The following AKIP1 variants were observed in gnomAD, a reference collection of about 807,000 sequenced individuals.
The protein encoded by AKIP1 is A-kinase interacting protein 1, also known as A-kinase-interacting protein 1.
AKIP1 carries 18 observed loss-of-function variants against 22.3 expected under a neutral mutation model. The observed-to-expected ratio is 0.81, with a 90% CI of 0.56 to 1.19. The LOEUF (loss-of-function observed/expected upper bound fraction) is 1.19. AKIP1 is among the 50% of genes most tolerant of loss of function. The pLI is 0.00. For missense variants in AKIP1, 287 were observed against 264.6 expected (o/e 1.08, Z -0.59); for synonymous variants, 120 against 102.7 (o/e 1.17, Z -1.02).
chr11:8,913,072 G>T (rs2064423712), intron 3 of AKIP1, among the ~76,000 whole-genome samples: 2 of 149,450 alleles, frequency 1.3e-5, no homozygotes, highest in Non-Finnish European at 1.5e-5. Context: ...GTAGAGACGG[G>T]GTTTCACTGT....
In AKIP1 at chr11:8,911,429, T is replaced by A; in HGVS notation, c.-6-15T>A. On this transcript the variant is annotated splice_polypyrimidine_tract_variant and intron_variant, in intron 1 of 5. Transcript: ENST00000309377. The stretch of plus-strand genomic sequence containing the variant: ...AGCTGACCCGCCGGCGTTTGTACGT[T>A]GTGTGCCCACTCAGGGAGCCATGGA... 1.3e-6 allele frequency: 2 copies of A among 1,565,998 alleles called. No homozygotes were observed. The highest frequency in any genetic ancestry group is 1.7e-6 in the Non-Finnish European group (2 of 1,155,392).
At position 8,911,601 on chromosome 11, in the gene AKIP1, T is replaced by A. The variant is rs1366226976; in HGVS notation, c.152T>A (p.Val51Asp). 1.2e-6 allele frequency: 2 copies of A among 1,602,346 alleles called. No homozygotes were observed. Among genetic ancestry groups the A allele is most frequent in the Admixed American group, 1.7e-5 (1 of 57,786 alleles). Residue 51 changes from valine to aspartate, a missense_variant, in exon 2 of 6, where the codon GTC (valine) becomes GAC (aspartate). Coordinates refer to ENST00000309377, the MANE Select transcript of AKIP1 (RefSeq NM_020642.4). Reference sequence around the variant, plus strand: ...GAGCGTCCCAAAGGCTGCATGGGGGTCCTTGCCCGGGAGGCGCCCCACCTA... The same window carrying A: ...GAGCGTCCCAAAGGCTGCATGGGGGACCTTGCCCGGGAGGCGCCCCACCTA... ...ALERPKGCMG[V>D]LAREAPHLEK...
In AKIP1 at chr11:8,918,296, G is replaced by A. The variant is rs1589927370; in HGVS notation, c.489+929G>A. Among the ~76,000 whole-genome samples, 4 of 152,324 alleles carry A rather than the reference G, an allele frequency of 2.6e-5. No individual in the cohort carries two copies. In the South Asian group the frequency reaches 8.3e-4, roughly 32 times the overall value. ...GACATTGTCATACACATTTACGTCA[G>A]TTAAAGGATGGTAGACTTCCAATTT... On this transcript the variant is annotated intron_variant, in intron 5 of 5. Transcript: ENST00000309377.
In AKIP1 at chr11:8,917,372, G is replaced by C. The variant is rs1472728439; in HGVS notation, c.489+5G>C. On this transcript the variant is annotated splice_donor_5th_base_variant and intron_variant, in intron 5 of 5. Transcript: ENST00000309377. ...GCTCCAGAGGCATCCCAGCCTGTGAGTACGGAACTGCTTACGCACTGGGTT... is the reference window on the plus strand; with the variant it reads ...GCTCCAGAGGCATCCCAGCCTGTGACTACGGAACTGCTTACGCACTGGGTT... 2 of 1,612,248 alleles carry C rather than the reference G, an allele frequency of 1.2e-6. No homozygotes were observed. The highest frequency in any genetic ancestry group is 1.7e-5 in the Admixed American group (1 of 59,960).
intron 2 of AKIP1, 106 bp from the exon 3 acceptor site, chr11:8,912,347 C>T (rs1391207342): frequency 2.4e-6 from 2 of 835,574 alleles, no homozygotes; most frequent in Middle Eastern, 2.2e-4. Flanking sequence ...CTGACATAAA[C>T]TTGCAGAGCC....
Position 8,919,492 on chromosome 11 carries a change from A to T in AKIP1, c.*12A>T. ...TCTTCCCTGTGTGATGTTGACCATC[A>T]CTGCCATCACATCACCTTTTTTTAA... On this transcript the variant is annotated 3_prime_UTR_variant, in exon 6 of 6. Coordinates refer to ENST00000309377, the MANE Select transcript of AKIP1 (RefSeq NM_020642.4). 1 of 1,611,420 alleles carries T rather than the reference A, an allele frequency of 6.2e-7. No individual in the cohort carries two copies. Among genetic ancestry groups the T allele is most frequent in the Non-Finnish European group, 8.5e-7 (1 of 1,179,200 alleles).
At position 8,919,830 on chromosome 11, in the gene AKIP1, G is replaced by C; in HGVS notation, c.*350G>C. 1 of 198,488 alleles carries C rather than the reference G, an allele frequency of 5.0e-6. No individual in the cohort carries two copies. Among genetic ancestry groups the C allele is most frequent in the South Asian group, 9.4e-5 (1 of 10,668 alleles). 12.3% of individuals were successfully genotyped at this position (198,488 alleles called of 1,614,324 possible). On this transcript the variant is annotated 3_prime_UTR_variant, in exon 6 of 6. Transcript: ENST00000309377. ...TTTTTTGTATTTTTAGTAGAGACGG[G>C]GTTTCACCATGTTGGCCAGGATGGT...
chr11:8,911,722 C>A lies in AKIP1; in HGVS notation c.222+51C>A, dbSNP rs557191928. ...CCCCAGTCCTTCGCGCCGCGGTAGC[C>A]CGCTGGGAGCCAGGGGTGCGCAGCG... On this transcript the variant is annotated intron_variant, in intron 2 of 5. Transcript: ENST00000309377. The A allele has an allele frequency of 4.4e-5, 64 of 1,448,568 alleles. No individual in the cohort carries two copies. In the African/African-American group the frequency reaches 7.5e-4, roughly 17 times the overall value. 89.7% of individuals were successfully genotyped at this position (1,448,568 alleles called of 1,614,324 possible). A position where few individuals can be genotyped will look rare whatever the true frequency, so the allele number is the denominator to read the frequency against.
chr11:8,918,133 C>G (rs1013918861), intron 5 of AKIP1: 25 of 152,210 alleles, frequency 1.6e-4, no homozygotes, highest in African/African-American at 5.1e-4. Flanking sequence ...TGTTGGAGTT[C>G]TACAGCCACA....
At chr11:8,911,306 C>A (rs1323482588) in intron 1 of AKIP1, 83 bp downstream of exon 1, 7 of 747,732 alleles carry the variant, frequency 9.4e-6, no homozygotes, top group Non-Finnish European at 1.5e-5. Context: ...GCTGGGCTCC[C>A]GCTGGAGTGT....
intron 4 of AKIP1, among the ~76,000 whole-genome samples, chr11:8,916,511 T>G (rs1454163330): frequency 6.6e-6 from 1 of 152,188 alleles, no homozygotes; most frequent in Non-Finnish European, 1.5e-5. Context: ...TACTCAAAGA[T>G]AGCAAACTGA....
chr11:8,917,540 C>A (rs1165306471), intron 5 of AKIP1, 173 bp downstream of exon 5: 11 of 617,712 alleles, frequency 1.8e-5, no homozygotes, highest in Non-Finnish European at 3.0e-5. Flanking sequence ...ATTAGGTTTT[C>A]TTGGTATTCT....
intron 3 of AKIP1, among the ~76,000 whole-genome samples, chr11:8,914,584 C>T (rs1040617915): frequency 1.3e-5 from 2 of 152,158 alleles, no homozygotes; most frequent in Non-Finnish European, 2.9e-5. Context: ...AGTTAGCCAG[C>T]GTTCTTGCCC....
At chr11:8,917,845 T>A in intron 5 of AKIP1, 1 of 176,994 alleles carries the variant, frequency 5.6e-6, no homozygotes, top group Non-Finnish European at 1.2e-5. Flanking sequence ...ATATAATGAG[T>A]TTTTCATTTT....
chr11:8,911,689 G>C lies in AKIP1; in HGVS notation c.222+18G>C, dbSNP rs2064354047. On this transcript the variant is annotated intron_variant, in intron 2 of 5. Transcript: ENST00000309377. The stretch of plus-strand genomic sequence containing the variant: ...CGGGAGAGGTGAGGGTCGCTGTGCC[G>C]GGGGCCGCCCCAGTCCTTCGCGCCG... 2.0e-6 allele frequency: 3 copies of C among 1,492,716 alleles called. No homozygotes were observed. Among genetic ancestry groups the C allele is most frequent in the Non-Finnish European group, 8.9e-7 (1 of 1,122,412 alleles). The allele number at this position is 1,492,716 out of a possible 1,614,324, so 92.5% of individuals were successfully genotyped here. A position where few individuals can be genotyped will look rare whatever the true frequency, so the allele number is the denominator to read the frequency against.
intron 2 of AKIP1, among the ~76,000 whole-genome samples, chr11:8,911,896 T>A (rs1424966323): frequency 1.4e-5 from 2 of 144,816 alleles, no homozygotes. Flanking sequence ...GTTGGTTACT[T>A]AAAAAAAAAA....
At chr11:8,912,937 T>C (rs7944399) in intron 3 of AKIP1, among the ~76,000 whole-genome samples, 131,889 of 141,054 alleles carry the variant, frequency 0.94, 62,368 homozygotes, top group East Asian at 1. Flanking sequence ...TGCAGTGGTG[T>C]GATCTCGGCT....
Position 8,919,425 on chromosome 11 carries a change from C to G in AKIP1, c.578C>G (p.Thr193Ser). The G allele has an allele frequency of 6.2e-7, 1 of 1,614,212 alleles. No individual in the cohort carries two copies. The highest frequency in any genetic ancestry group is 1.1e-5 in the South Asian group (1 of 91,086). ...GGCTCAAATGACTTAACCAAGAAGACTCATGTGGTAGCAGTTGATTCTGGA... is the reference window on the plus strand; with the variant it reads ...GGCTCAAATGACTTAACCAAGAAGAGTCATGTGGTAGCAGTTGATTCTGGA... Reference protein sequence around the residue: ...TVGSNDLTKKTHVVAVDSGQS... With the variant: ...TVGSNDLTKKSHVVAVDSGQS... The change falls in exon 6 of 6, where the codon ACT becomes AGT. Residue 193 changes from threonine (T) to serine (S), a missense_variant. By Grantham distance (58) the Thr-to-Ser change is moderately conservative. Transcript: ENST00000309377.
intron 3 of AKIP1, among the ~76,000 whole-genome samples, chr11:8,913,745 A>C (rs1365915727): frequency 6.6e-6 from 1 of 152,208 alleles, no homozygotes; most frequent in African/African-American, 2.4e-5. Context: ...ATCTTTTATA[A>C]GAATCCCTGA....
Sources: gnomAD v4.1 joint callset for allele counts (sites outside exome capture counted in the v4.1 genomes callset) on GRCh38, gnomAD v4.1.1 for gene constraint, MANE v1.5 for transcripts, NCBI Gene and HGNC (gene_info 2026-07-23, HGNC 2026-07-21) for gene names.